MAPDA: variants seen among roughly 807,000 people sequenced by gnomAD.
The protein encoded by MAPDA is N6-Methyl-AMP deaminase, also known as N6,N6-dimethyl-AMP deaminase.
At chr15:43,344,110 G>A in the MAPDA span, among the ~76,000 whole-genome samples, 1 of 151,970 alleles carries the variant, frequency 6.6e-6, no homozygotes, top group African/African-American at 2.4e-5. Context: ...GGTAAGGGGG[G>A]AAAAACCTCT....
At chr15:43,342,117 G>A in the MAPDA span, among the ~76,000 whole-genome samples, 2 of 152,154 alleles carry the variant, frequency 1.3e-5, no homozygotes, top group East Asian at 3.9e-4. Context: ...GGGATTACAG[G>A]CATGAGCCAC....
chr15:43,336,335 A>G, the MAPDA span, among the ~76,000 whole-genome samples: 1 of 152,158 alleles, frequency 6.6e-6, no homozygotes, highest in Admixed American at 6.5e-5. Context: ...ATGAGCCATT[A>G]TACCCAGCAT....
chr15:43,336,527 T>C, the MAPDA span: 3 of 874,266 alleles, frequency 3.4e-6, no homozygotes, highest in African/African-American at 5.4e-5. Context: ...TCTTTGTAAA[T>C]ATAAATATAT....
the MAPDA span, chr15:43,351,736 T>C: frequency 5.7e-5 from 87 of 1,515,524 alleles, no homozygotes; most frequent in Non-Finnish European, 7.4e-5. Context: ...GAAACATTCT[T>C]GTTTACGTTG....
chr15:43,352,074 C>T, the MAPDA span: 1 of 871,622 alleles, frequency 1.1e-6, no homozygotes, highest in Non-Finnish European at 1.7e-6. Flanking sequence ...TCACCAGCAC[C>T]TTACACATGG....
At chr15:43,333,876 A>C in the MAPDA span, among the ~76,000 whole-genome samples, 1 of 152,240 alleles carries the variant, frequency 6.6e-6, no homozygotes, top group African/African-American at 2.4e-5. Flanking sequence ...AAAATCACTA[A>C]ATTTCACTTG....
At chr15:43,332,514 G>A in the MAPDA span, 3 of 152,096 alleles carry the variant, frequency 2.0e-5, no homozygotes, top group Non-Finnish European at 4.4e-5. Flanking sequence ...ACCAGATCAA[G>A]AAAAGTAATT....
the MAPDA span, among the ~76,000 whole-genome samples, chr15:43,346,569 C>G: frequency 4.6e-5 from 7 of 152,242 alleles, no homozygotes; most frequent in Non-Finnish European, 1.0e-4. Flanking sequence ...TGGTTGAAAA[C>G]AGCTGAATAA....
chr15:43,334,731 TA>T, the MAPDA span, among the ~76,000 whole-genome samples: 2 of 146,920 alleles, frequency 1.4e-5, no homozygotes, highest in Non-Finnish European at 3.0e-5. Context: ...TGCCAATAGT[TA>T]AGGAATATAC....
At chr15:43,331,365 CAT>C in the MAPDA span, among the ~76,000 whole-genome samples, 1 of 152,180 alleles carries the variant, frequency 6.6e-6, no homozygotes, top group Non-Finnish European at 1.5e-5. Flanking sequence ...TCAGAATAAT[CAT>C]AAAGTTTCTA....
At chr15:43,342,445 T>TA in the MAPDA span, among the ~76,000 whole-genome samples, 1 of 147,902 alleles carries the variant, frequency 6.8e-6, no homozygotes, top group African/African-American at 2.5e-5. Context: ...AATATCCCTT[T>TA]TAAAAAAAAA....
the MAPDA span, among the ~76,000 whole-genome samples, chr15:43,342,739 C>T: frequency 6.6e-6 from 1 of 151,026 alleles, no homozygotes; most frequent in Admixed American, 6.6e-5. Flanking sequence ...GACAGCCAGA[C>T]CCTGTCTCAA....
At chr15:43,338,257 C>T in the MAPDA span, among the ~76,000 whole-genome samples, 18 of 152,102 alleles carry the variant, frequency 1.2e-4, no homozygotes, top group East Asian at 7.7e-4. Flanking sequence ...ATAAATGAAA[C>T]GTCTATGAGG....
the MAPDA span, among the ~76,000 whole-genome samples, chr15:43,348,346 T>A: frequency 2.8e-4 from 42 of 152,244 alleles, no homozygotes; most frequent in African/African-American, 8.9e-4. Flanking sequence ...CAACTTTTTT[T>A]AAAAAATCCC....
chr15:43,339,290 A>G, the MAPDA span, among the ~76,000 whole-genome samples: 2 of 152,234 alleles, frequency 1.3e-5, no homozygotes, highest in Non-Finnish European at 2.9e-5. Flanking sequence ...TTGGCTGTGT[A>G]TTCTCAGAAT....
At chr15:43,332,848 A>G in the MAPDA span, among the ~76,000 whole-genome samples, 3 of 152,180 alleles carry the variant, frequency 2.0e-5, no homozygotes, top group Non-Finnish European at 2.9e-5. Flanking sequence ...AAGTATTACT[A>G]ACGTGGATCT....
At chr15:43,346,013 T>C in the MAPDA span, 1 of 1,612,386 alleles carries the variant, frequency 6.2e-7, no homozygotes, top group Admixed American at 1.7e-5. Flanking sequence ...ATTTTAATTC[T>C]AAAAGGTAGA....
the MAPDA span, chr15:43,351,285 CATTGCA>C: frequency 2.6e-6 from 1 of 386,806 alleles, no homozygotes; most frequent in South Asian, 3.8e-5. Context: ...GAGATCATGC[CATTGCA>C]CTCCATCTTG....
chr15:43,342,657 G>A, the MAPDA span, among the ~76,000 whole-genome samples: 6 of 151,496 alleles, frequency 4.0e-5, no homozygotes, highest in African/African-American at 9.7e-5. Flanking sequence ...GGCTGAGGTG[G>A]CAGGATGGCT....
Sources: allele counts gnomAD v4.1 joint callset (sites outside exome capture counted in the v4.1 genomes callset), GRCh38; gene constraint gnomAD v4.1.1; transcripts MANE v1.5; gene names NCBI Gene and HGNC (gene_info 2026-07-23, HGNC 2026-07-21).